The following ANO1 variants were observed in gnomAD, a reference collection of about 807,000 sequenced individuals.
ANO1 encodes anoctamin 1.
In ANO1, 59 loss-of-function variants were observed where a neutral mutation model predicts 124.0. The observed-to-expected ratio is 0.48, with a 90% CI of 0.39 to 0.59. The LOEUF (loss-of-function observed/expected upper bound fraction) is 0.59. Ranked by LOEUF, ANO1 falls within the 20% of genes least tolerant of loss-of-function variation. The pLI is 0.00. For synonymous variants in ANO1, 529 were observed against 532.0 expected (o/e 0.99, Z 0.08); for missense variants, 1,059 against 1,328.0 (o/e 0.80, Z 3.15).
At chr11:70,107,317 C>T (rs1375110915) in intron 5 of ANO1, among the ~76,000 whole-genome samples, 1 of 152,010 alleles carries the variant, frequency 6.6e-6, no homozygotes, top group Admixed American at 6.6e-5. Context: ...AGGGTGGTGG[C>T]CTCAAGGCCT....
At chr11:70,035,073 T>G (rs532141668) in intron 1 of ANO1, among the ~76,000 whole-genome samples, 2 of 152,144 alleles carry the variant, frequency 1.3e-5, no homozygotes, top group South Asian at 2.1e-4. Context: ...AGGGGTGCAG[T>G]GGTACCACAG....
chr11:69,982,347 A>G (rs1167285705), upstream of ANO1, among the ~76,000 whole-genome samples: 1 of 152,104 alleles, frequency 6.6e-6, no homozygotes, highest in Non-Finnish European at 1.5e-5. Flanking sequence ...GCTTCCACCC[A>G]GCCTCTGCCA....
chr11:69,993,786 G>A (rs1049012546), intron 1 of ANO1, among the ~76,000 whole-genome samples: 1 of 152,166 alleles, frequency 6.6e-6, no homozygotes, highest in East Asian at 1.9e-4. Context: ...GCCTGCAGGC[G>A]GGGCTCACCT....
intron 1 of ANO1, among the ~76,000 whole-genome samples, chr11:70,052,959 A>C (rs1274744573): frequency 6.6e-6 from 1 of 151,826 alleles, no homozygotes; most frequent in Non-Finnish European, 1.5e-5. Context: ...ATGTTTGGTG[A>C]TTTTTCTTTA....
intron 1 of ANO1, among the ~76,000 whole-genome samples, chr11:70,005,902 G>A (rs118167464): frequency 3.2e-3 from 486 of 152,320 alleles, no homozygotes; most frequent in Non-Finnish European, 5.0e-3. Context: ...TTAACTGACA[G>A]CAATAGAACA....
At chr11:70,016,315 C>CG (rs1376755382) in intron 1 of ANO1, 2 of 152,172 alleles carry the variant, frequency 1.3e-5, no homozygotes, top group African/African-American at 2.4e-5. Flanking sequence ...CATAAGCCAC[C>CG]GTGCCAGGCC....
At position 70,187,849 on chromosome 11, in the gene ANO1, C is replaced by T. The variant is rs201845370; in HGVS notation, c.2806C>T (p.Arg936Trp). ...GGTGCTCATGGTGGAGCTGTTCATG[C>T]GGGAGGAGCAAGACAAGCAGCAGCT... ...EKVLMVELFM[R>W]EEQDKQQLLE... The change falls in exon 26 of 26, where the codon CGG (arginine) becomes TGG (tryptophan). Residue 936 changes from arginine to tryptophan, a missense_variant. Transcript: ENST00000355303. 8.0e-5 allele frequency: 129 copies of T among 1,608,076 alleles called. 1 individual carries two copies. The East Asian group carries it at 1.1e-3, about 14-fold the overall frequency.
At chr11:70,177,594 C>CTTTTTTT (rs57647858) in intron 22 of ANO1, among the ~76,000 whole-genome samples, 9 of 78,922 alleles carry the variant, frequency 1.1e-4, no homozygotes, top group Admixed American at 1.9e-4. Flanking sequence ...TTTTTTTTTT[C>CTTTTTTT]TTTTTTTTTT....
At chr11:70,177,558 GC>G (rs1590932785) in intron 22 of ANO1, among the ~76,000 whole-genome samples, 1 of 150,632 alleles carries the variant, frequency 6.6e-6, no homozygotes, top group African/African-American at 2.5e-5. Flanking sequence ...CAGGACCAGA[GC>G]CGAGGAGTCT....
the ANO1 span, among the ~76,000 whole-genome samples, chr11:69,967,346 G>T: frequency 6.6e-6 from 1 of 152,132 alleles, no homozygotes; most frequent in Admixed American, 6.5e-5. Context: ...GGTATCGCAC[G>T]TTAGCTAGCA....
chr11:70,083,778 T>C (rs146669499), intron 1 of ANO1, among the ~76,000 whole-genome samples: 160 of 152,284 alleles, frequency 1.1e-3, no homozygotes, highest in Non-Finnish European at 1.7e-3. Flanking sequence ...TGGAGCTCTG[T>C]CCTAACACAT....
intron 1 of ANO1, among the ~76,000 whole-genome samples, chr11:70,004,704 C>G (rs1390410172): frequency 6.6e-6 from 1 of 152,234 alleles, no homozygotes; most frequent in African/African-American, 2.4e-5. Flanking sequence ...CTGCTTTCTT[C>G]TAGACTTGGC....
At chr11:70,177,376 G>A (rs999861980) in intron 22 of ANO1, among the ~76,000 whole-genome samples, 1 of 152,194 alleles carries the variant, frequency 6.6e-6, no homozygotes, top group East Asian at 1.9e-4. Flanking sequence ...TTCTTGAAAC[G>A]TTCAACTCTC....
At chr11:70,000,936 G>T (rs1437610499) in intron 1 of ANO1, among the ~76,000 whole-genome samples, 1 of 151,306 alleles carries the variant, frequency 6.6e-6, no homozygotes, top group African/African-American at 2.4e-5. Context: ...CCCAGCTTTG[G>T]CAAGAACATG....
intron 1 of ANO1, among the ~76,000 whole-genome samples, chr11:70,067,472 C>A (rs1038286468): frequency 6.6e-6 from 1 of 152,094 alleles, no homozygotes. Context: ...GGATTACAGG[C>A]GCCTGCCATC....
intron 1 of ANO1, among the ~76,000 whole-genome samples, chr11:70,045,587 G>C (rs117376046): frequency 6.6e-6 from 1 of 152,120 alleles, no homozygotes; most frequent in African/African-American, 2.4e-5. Flanking sequence ...TCTGTTCATC[G>C]ATGGAGGGTC....
intron 8 of ANO1, among the ~76,000 whole-genome samples, chr11:70,122,033 G>A (rs111164251): frequency 2.0e-3 from 102 of 51,048 alleles, no homozygotes; most frequent in African/African-American, 5.9e-3. Flanking sequence ...CATCTCCCCC[G>A]CCTCTCTCTG....
At chr11:70,082,056 G>A (rs112708099) in intron 1 of ANO1, among the ~76,000 whole-genome samples, 3 of 152,252 alleles carry the variant, frequency 2.0e-5, no homozygotes, top group East Asian at 3.9e-4. Flanking sequence ...TGTCTTTGTC[G>A]GCATCTCACA....
chr11:70,013,535 G>A (rs1236550621), intron 1 of ANO1, among the ~76,000 whole-genome samples: 1 of 152,102 alleles, frequency 6.6e-6, no homozygotes, highest in Admixed American at 6.5e-5. Flanking sequence ...CACTTTGGGA[G>A]GCCAAGGCAG....
Sources: gnomAD v4.1 joint callset for allele counts (sites outside exome capture counted in the v4.1 genomes callset) on GRCh38, gnomAD v4.1.1 for gene constraint, MANE v1.5 for transcripts, NCBI Gene and HGNC (gene_info 2026-07-23, HGNC 2026-07-21) for gene names.